Variants in MAGI3 observed in about 807,000 individuals in gnomAD.
MAGI3 encodes the protein membrane associated guanylate kinase, WW and PDZ domain containing 3.
A neutral mutation model predicts 121.8 loss-of-function variants in MAGI3; 43 were observed. The ratio of observed to expected loss-of-function variants is 0.35; its 90% CI spans 0.28 to 0.46. MAGI3 has a LOEUF of 0.46. Ranked by LOEUF, MAGI3 falls within the 20% of genes least tolerant of loss-of-function variation. The probability of loss-of-function intolerance (pLI) is 1.00; values close to 1 mark genes in which losing one functional copy is unlikely to be tolerated. For missense variants in MAGI3, 1,547 were observed against 1,797.3 expected, an observed-to-expected ratio of 0.86 and a Z score of 2.52; for synonymous variants, 553 against 639.3, an observed-to-expected ratio of 0.86 and a Z score of 2.04.
rs749041656 is a variant in MAGI3 at position 113,683,986 on chromosome 1, CTATTGG to C, written c.4422_4427del (p.Ile1474_Gly1475del). 2 of 1,586,612 alleles carry C rather than the reference CTATTGG, an allele frequency of 1.3e-6. No homozygotes were observed. Among genetic ancestry groups the C allele is most frequent in the South Asian group, 2.3e-5 (2 of 85,392 alleles). On this transcript the variant is annotated inframe_deletion, in exon 21 of 21. Coordinates refer to ENST00000307546, the MANE Select transcript of MAGI3 (RefSeq NM_001142782.2). ...CCAAGTGGAAATAAAGTCACAGGCACTATTGGTATGGCTGAGAAACGGCAGTAACCT... is the reference window on the plus strand; with the variant it reads ...CCAAGTGGAAATAAAGTCACAGGCACTATGGCTGAGAAACGGCAGTAACCT...
chr1:113,683,132 G>A lies in MAGI3; in HGVS notation c.3564G>A (p.Gln1188=). 2 of 1,612,784 alleles carry A rather than the reference G, an allele frequency of 1.2e-6. No homozygotes were observed. Among genetic ancestry groups the A allele is most frequent in the Non-Finnish European group, 1.7e-6 (2 of 1,179,638 alleles). The stretch of plus-strand genomic sequence containing the variant: ...AGATAAAGCATCAGTCTCTTCTCCA[G>A]AAAAATGTGAGTAAGAGGGATCCAC... ...QPEIKHQSLL[Q]KNVSKRDPPS... Residue 1188 remains glutamine, a synonymous_variant, in exon 21 of 21, where the codon CAG becomes CAA. Transcript: ENST00000307546.
At chr1:113,531,201 A>C (rs898198089) in intron 1 of MAGI3, among the ~76,000 whole-genome samples, 3 of 152,184 alleles carry the variant, frequency 2.0e-5, no homozygotes, top group Admixed American at 1.3e-4. Flanking sequence ...ATAAGTAATA[A>C]AAATCTGCTA....
At chr1:113,569,968 C>T (rs1451663074) in intron 2 of MAGI3, among the ~76,000 whole-genome samples, 1 of 152,102 alleles carries the variant, frequency 6.6e-6, no homozygotes, top group Non-Finnish European at 1.5e-5. Flanking sequence ...TGGTTTGCTG[C>T]ACCCATCAAC....
At chr1:113,503,130 A>G in intron 1 of MAGI3, among the ~76,000 whole-genome samples, 1 of 89,028 alleles carries the variant, frequency 1.1e-5, no homozygotes, top group Non-Finnish European at 2.1e-5. Flanking sequence ...ATGACACATT[A>G]GTGGGTGCAG....
At chr1:113,543,934 A>G (rs1156396069) in intron 1 of MAGI3, among the ~76,000 whole-genome samples, 1 of 152,148 alleles carries the variant, frequency 6.6e-6, no homozygotes, top group Non-Finnish European at 1.5e-5. Context: ...CTAAATCTAT[A>G]AAAACTAAAC....
intron 1 of MAGI3, among the ~76,000 whole-genome samples, chr1:113,482,301 G>A (rs1656149432): frequency 2.0e-5 from 3 of 151,850 alleles, no homozygotes; most frequent in Non-Finnish European, 4.4e-5. Context: ...GTAGTCTTTT[G>A]ATAGTTGTCT....
intron 9 of MAGI3, among the ~76,000 whole-genome samples, chr1:113,636,946 C>T (rs1652069511): frequency 6.6e-6 from 1 of 152,170 alleles, no homozygotes; most frequent in Non-Finnish European, 1.5e-5. Context: ...GGATAGTTTG[C>T]TCTTCTTGTT....
intron 5 of MAGI3, among the ~76,000 whole-genome samples, chr1:113,592,963 G>T (rs913507276): frequency 2.0e-5 from 3 of 152,156 alleles, no homozygotes; most frequent in African/African-American, 7.2e-5. Context: ...AGTGAGCCGA[G>T]ATCGGGCCAC....
At chr1:113,600,807 C>T (rs1570925047) in intron 6 of MAGI3, among the ~76,000 whole-genome samples, 2 of 152,174 alleles carry the variant, frequency 1.3e-5, no homozygotes, top group Non-Finnish European at 2.9e-5. Flanking sequence ...CATCACACTA[C>T]CTGACTTCAA....
chr1:113,549,985 G>A (rs372986571), intron 2 of MAGI3, among the ~76,000 whole-genome samples: 2 of 151,366 alleles, frequency 1.3e-5, no homozygotes, highest in South Asian at 2.1e-4. Context: ...GTGTGGTGGC[G>A]GGCGCCTATA....
chr1:113,453,521 A>G (rs989533923), intron 1 of MAGI3, among the ~76,000 whole-genome samples: 1 of 152,316 alleles, frequency 6.6e-6, no homozygotes, highest in African/African-American at 2.4e-5. Flanking sequence ...ATTAAATTGC[A>G]TAATCACAAA....
intron 9 of MAGI3, among the ~76,000 whole-genome samples, chr1:113,632,354 T>A (rs1397255296): frequency 6.6e-6 from 1 of 152,220 alleles, no homozygotes; most frequent in Admixed American, 6.5e-5. Context: ...ATTTGCCTAA[T>A]ATGCTTATCT....
At chr1:113,596,430 G>A (rs1334497518) in intron 6 of MAGI3, among the ~76,000 whole-genome samples, 1 of 152,054 alleles carries the variant, frequency 6.6e-6, no homozygotes, top group African/African-American at 2.4e-5. Context: ...GTCAGAATTG[G>A]CAAAGATTTC....
chr1:113,423,263 G>C lies in MAGI3; in HGVS notation c.316+31914G>C, dbSNP rs531900313. On this transcript the variant is annotated intron_variant, in intron 1 of 20. Coordinates refer to ENST00000307546, the MANE Select transcript of MAGI3 (RefSeq NM_001142782.2). ...AAGTATTCGTTTTTTTTTTTTTGGG[G>C]GGGGGGTTGTTTTTGTTTTTGTTTT... 2.2e-4 allele frequency among the ~76,000 whole-genome samples: 32 copies of C among 148,674 alleles called. 1 individual carries two copies. The highest frequency in any genetic ancestry group is 7.1e-4 in the African/African-American group (29 of 40,658).
chr1:113,610,119 G>GT lies in MAGI3; in HGVS notation c.1019-4475dup, dbSNP rs1394482998. Among the ~76,000 whole-genome samples the GT allele has an allele frequency of 5.3e-5, 8 of 151,830 alleles. No individual in the cohort carries two copies. The East Asian group carries it at 7.7e-4, about 15-fold the overall frequency. ...TTTATGCCTAACAGCTTTACAAAGC[G>GT]TTTTTTTGTTTGTTTGTTTGTTTGT... is the stretch of plus-strand genomic sequence containing the variant. On this transcript the variant is annotated intron_variant, in intron 6 of 20. Transcript: ENST00000307546.
rs994710099 is a variant in MAGI3, at chr1:113,505,595, A to AT, written c.317-43914dup. Among the ~76,000 whole-genome samples the AT allele has an allele frequency of 6.6e-5, 10 of 151,814 alleles. No individual in the cohort carries two copies. In the East Asian group the frequency reaches 1.5e-3, roughly 23 times the overall value. ...CACATAAAAGCTATGAAGAAAAAGC[A>AT]TTTTTTCAACGGATAATAAGGGACA... On this transcript the variant is annotated intron_variant, in intron 1 of 20. Transcript: ENST00000307546.
At chr1:113,590,384 T>C in intron 4 of MAGI3, 100 bp from the exon 5 acceptor site, 2 of 1,139,468 alleles carry the variant, frequency 1.8e-6, no homozygotes, top group Non-Finnish European at 2.5e-6. Context: ...AAATTTGCCA[T>C]ATTTATGTAT....
chr1:113,589,207 GA>G (rs1478005872), intron 4 of MAGI3, among the ~76,000 whole-genome samples: 2 of 152,032 alleles, frequency 1.3e-5, no homozygotes, highest in African/African-American at 2.4e-5. Context: ...GTCATCAAAT[GA>G]GATGAGGGAT....
intron 6 of MAGI3, among the ~76,000 whole-genome samples, chr1:113,608,340 T>G (rs909645066): frequency 3.3e-5 from 5 of 152,186 alleles, no homozygotes; most frequent in Non-Finnish European, 5.9e-5. Context: ...TCAATCTCTA[T>G]AAGGCTCTGA....
Sources: gnomAD v4.1 joint callset for allele counts (sites outside exome capture counted in the v4.1 genomes callset) on GRCh38, gnomAD v4.1.1 for gene constraint, MANE v1.5 for transcripts, NCBI Gene and HGNC (gene_info 2026-07-23, HGNC 2026-07-21) for gene names.